The following AFG2A variants were observed in gnomAD, a reference collection of about 807,000 sequenced individuals.
The protein encoded by AFG2A is ATPase family gene 2 protein homolog A.
At chr4:123,180,427 G>A in the AFG2A span, among the ~76,000 whole-genome samples, 1 of 151,996 alleles carries the variant, frequency 6.6e-6, no homozygotes, top group African/African-American at 2.4e-5. Flanking sequence ...GTAACAGTAG[G>A]GTCACTACTG....
At chr4:123,193,347 C>A in the AFG2A span, among the ~76,000 whole-genome samples, 1 of 152,198 alleles carries the variant, frequency 6.6e-6, no homozygotes, top group African/African-American at 2.4e-5. Flanking sequence ...TAAAGTTCCT[C>A]TGTTTTCTGA....
the AFG2A span, among the ~76,000 whole-genome samples, chr4:122,974,350 T>C: frequency 2.0e-5 from 3 of 152,190 alleles, no homozygotes; most frequent in Admixed American, 2.0e-4. Flanking sequence ...TGGTCCAAAT[T>C]AGAAATATTG....
chr4:123,050,055 G>A, the AFG2A span, among the ~76,000 whole-genome samples: 1 of 150,848 alleles, frequency 6.6e-6, no homozygotes, highest in African/African-American at 2.4e-5. Context: ...TTTTTTTTTG[G>A]TGGACTCATT....
At chr4:123,107,596 G>A in the AFG2A span, among the ~76,000 whole-genome samples, 1 of 152,224 alleles carries the variant, frequency 6.6e-6, no homozygotes, top group Non-Finnish European at 1.5e-5. Context: ...GGCTGTCCAT[G>A]TCTTGAAGGT....
At chr4:123,312,251 C>G in the AFG2A span, among the ~76,000 whole-genome samples, 14 of 151,994 alleles carry the variant, frequency 9.2e-5, no homozygotes, top group Admixed American at 9.2e-4. Flanking sequence ...GTGCCAGGCT[C>G]TCTATTCTCT....
the AFG2A span, among the ~76,000 whole-genome samples, chr4:123,201,009 A>G: frequency 6.6e-6 from 1 of 152,256 alleles, no homozygotes; most frequent in South Asian, 2.1e-4. Flanking sequence ...ACAGTGAATT[A>G]TCTTTAATAA....
At chr4:123,124,305 G>A in the AFG2A span, among the ~76,000 whole-genome samples, 19 of 152,102 alleles carry the variant, frequency 1.2e-4, no homozygotes, top group African/African-American at 4.3e-4. Context: ...ATACTATGCA[G>A]CCATAAAAAA....
the AFG2A span, among the ~76,000 whole-genome samples, chr4:123,010,414 A>C: frequency 6.6e-6 from 1 of 151,708 alleles, no homozygotes; most frequent in African/African-American, 2.4e-5. Flanking sequence ...TTTTTTTCCC[A>C]GACTGTAAGC....
chr4:123,300,552 C>G, the AFG2A span, among the ~76,000 whole-genome samples: 1 of 152,132 alleles, frequency 6.6e-6, no homozygotes, highest in Admixed American at 6.5e-5. Context: ...ACAACTCCTT[C>G]AGTTTCTAAA....
At chr4:123,057,145 A>C in the AFG2A span, 2 of 1,568,320 alleles carry the variant, frequency 1.3e-6, no homozygotes, top group Non-Finnish European at 1.8e-6. Context: ...GTTTTAAAAC[A>C]AACCAACTAC....
the AFG2A span, among the ~76,000 whole-genome samples, chr4:122,999,449 G>A: frequency 1.5e-4 from 23 of 152,114 alleles, no homozygotes; most frequent in South Asian, 3.7e-3. Context: ...TAGGTATAGC[G>A]TTTAAGTCTT....
the AFG2A span, among the ~76,000 whole-genome samples, chr4:123,254,396 A>G: frequency 6.6e-6 from 1 of 152,158 alleles, no homozygotes; most frequent in East Asian, 1.9e-4. Flanking sequence ...CCTTAAAATC[A>G]GTATGGACTT....
the AFG2A span, among the ~76,000 whole-genome samples, chr4:122,983,235 A>G: frequency 6.6e-6 from 1 of 152,140 alleles, no homozygotes; most frequent in Admixed American, 6.5e-5. Flanking sequence ...ATCTTTTGAA[A>G]AAACAACTAA....
chr4:123,133,755 C>T, the AFG2A span, among the ~76,000 whole-genome samples: 10 of 152,144 alleles, frequency 6.6e-5, no homozygotes, highest in East Asian at 5.8e-4. Context: ...GTGTCACTAA[C>T]GGTGGATAAG....
chr4:122,963,522 G>A, the AFG2A span, among the ~76,000 whole-genome samples: 1 of 152,152 alleles, frequency 6.6e-6, no homozygotes, highest in Admixed American at 6.5e-5. Flanking sequence ...AGCTCTCTGA[G>A]GTTCTCTTTA....
At chr4:123,286,821 T>C in the AFG2A span, among the ~76,000 whole-genome samples, 3 of 151,092 alleles carry the variant, frequency 2.0e-5, no homozygotes, top group African/African-American at 4.9e-5. Flanking sequence ...ACTTCTGTAA[T>C]AGGAGAGTAG....
the AFG2A span, among the ~76,000 whole-genome samples, chr4:123,043,968 G>A: frequency 1.3e-5 from 2 of 152,168 alleles, no homozygotes; most frequent in African/African-American, 4.8e-5. Flanking sequence ...CATGACCTTT[G>A]CTCTTGACCA....
At chr4:123,157,872 G>A in the AFG2A span, among the ~76,000 whole-genome samples, 1 of 152,274 alleles carries the variant, frequency 6.6e-6, no homozygotes, top group Non-Finnish European at 1.5e-5. Context: ...AAGAATCCTA[G>A]AGTCACAGAA....
the AFG2A span, among the ~76,000 whole-genome samples, chr4:123,058,615 A>T: frequency 6.6e-6 from 1 of 152,236 alleles, no homozygotes; most frequent in Admixed American, 6.5e-5. Context: ...ACAAGAGCGA[A>T]ACTCCATCTC....
Sources: gnomAD v4.1 joint callset for allele counts (sites outside exome capture counted in the v4.1 genomes callset) on GRCh38, gnomAD v4.1.1 for gene constraint, MANE v1.5 for transcripts, NCBI Gene and HGNC (gene_info 2026-07-23, HGNC 2026-07-21) for gene names.